The following MYO3B variants were observed in gnomAD, a reference collection of about 807,000 sequenced individuals.
MYO3B encodes myosin-IIIb.
A neutral mutation model predicts 174.6 loss-of-function variants in MYO3B; 156 were observed. That is an observed-to-expected ratio of 0.89 (90% CI 0.78 to 1.02). The LOEUF (loss-of-function observed/expected upper bound fraction) is 1.02, where lower values mean the gene tolerates loss of function less well. Ranked by LOEUF, MYO3B falls within the 50% of genes least tolerant of loss-of-function variation. MYO3B has a pLI of 0.00. For missense variants in MYO3B, 1,632 were observed against 1,639.4 expected (o/e 1.00, Z 0.08); for synonymous variants, 563 against 569.1 (o/e 0.99, Z 0.15).
intron 30 of MYO3B, among the ~76,000 whole-genome samples, chr2:170,542,346 T>A (rs1412631118): frequency 6.6e-6 from 1 of 152,230 alleles, no homozygotes; most frequent in East Asian, 1.9e-4. Context: ...TTTTATTAGA[T>A]GTTAATAGGT....
intron 22 of MYO3B, among the ~76,000 whole-genome samples, chr2:170,417,016 A>G (rs1447810367): frequency 1.3e-5 from 2 of 151,674 alleles, no homozygotes; most frequent in Non-Finnish European, 2.9e-5. Context: ...TTTAGTAGAG[A>G]CGGGGTTTCA....
At chr2:170,448,981 T>C (rs1162804817) in intron 23 of MYO3B, among the ~76,000 whole-genome samples, 1 of 152,214 alleles carries the variant, frequency 6.6e-6, no homozygotes, top group Admixed American at 6.5e-5. Flanking sequence ...TGCTGAAACT[T>C]TGTTCTACAA....
chr2:170,396,963 T>C (rs1337553363), intron 16 of MYO3B, among the ~76,000 whole-genome samples: 1 of 152,190 alleles, frequency 6.6e-6, no homozygotes, highest in Non-Finnish European at 1.5e-5. Flanking sequence ...GAGTCTCTGT[T>C]TTACCCCCTG....
At chr2:170,239,688 G>A (rs945430092) in intron 7 of MYO3B, among the ~76,000 whole-genome samples, 3 of 152,198 alleles carry the variant, frequency 2.0e-5, no homozygotes, top group Admixed American at 2.0e-4. Context: ...TTTCCCTGCA[G>A]TACACAATTC....
intron 7 of MYO3B, among the ~76,000 whole-genome samples, chr2:170,286,529 C>T (rs1192560301): frequency 6.6e-6 from 1 of 152,040 alleles, no homozygotes; most frequent in Non-Finnish European, 1.5e-5. Flanking sequence ...CCCCTTCCTT[C>T]TCAAAAATTA....
intron 8 of MYO3B, among the ~76,000 whole-genome samples, chr2:170,351,878 C>G (rs1005406020): frequency 2.0e-5 from 3 of 152,190 alleles, no homozygotes; most frequent in Non-Finnish European, 4.4e-5. Flanking sequence ...AAAACTAACT[C>G]TAATCATACA....
chr2:170,453,175 G>A (rs1445884506), intron 23 of MYO3B, among the ~76,000 whole-genome samples: 1 of 152,042 alleles, frequency 6.6e-6, no homozygotes, highest in Non-Finnish European at 1.5e-5. Context: ...TTGGTTTCAG[G>A]GGCCTGCAGC....
intron 8 of MYO3B, among the ~76,000 whole-genome samples, chr2:170,353,042 A>G (rs905386891): frequency 1.3e-5 from 2 of 152,248 alleles, no homozygotes; most frequent in Non-Finnish European, 2.9e-5. Context: ...GGGTCTAGCA[A>G]TCGCCCTTTT....
At chr2:170,368,955 G>A (rs1320198599) in intron 8 of MYO3B, among the ~76,000 whole-genome samples, 4 of 152,150 alleles carry the variant, frequency 2.6e-5, no homozygotes, top group East Asian at 1.9e-4. Context: ...AGTGTTTTGA[G>A]TACTTCAAGT....
intron 30 of MYO3B, among the ~76,000 whole-genome samples, chr2:170,527,764 A>G (rs951330177): frequency 1.1e-4 from 16 of 152,254 alleles, no homozygotes; most frequent in Non-Finnish European, 1.9e-4. Context: ...CATTGTGAGA[A>G]TAAACCATAG....
At chr2:170,351,171 T>G (rs1310815881) in intron 8 of MYO3B, 1 of 152,142 alleles carries the variant, frequency 6.6e-6, no homozygotes, top group African/African-American at 2.4e-5. Context: ...AAGTCACAGG[T>G]CCGCAGGTAT....
chr2:170,219,749 T>C lies in MYO3B; in HGVS notation c.603+2354T>C, dbSNP rs191296938. 3.2e-3 allele frequency among the ~76,000 whole-genome samples: 494 copies of C among 152,296 alleles called. 3 individuals carry two copies. Among genetic ancestry groups the C allele is most frequent in the East Asian group, 1.2e-3 (6 of 5,190 alleles). ...CAGTTTGAGGACGGCTTCACAACTA[T>C]TGATATTAGCAAATTTGTCTGTAGA... On this transcript the variant is annotated intron_variant, in intron 6 of 34. Coordinates refer to ENST00000408978, the MANE Select transcript of MYO3B (RefSeq NM_138995.5).
In MYO3B at chr2:170,363,641, T is replaced by G. The variant is rs72874530; in HGVS notation, c.816-5581T>G. Reference sequence around the variant, plus strand: ...GTTTAATGTGGTGACACTAATAGATTCTGAGAATTAATCTTCAGCCAAGAA... The same window carrying G: ...GTTTAATGTGGTGACACTAATAGATGCTGAGAATTAATCTTCAGCCAAGAA... On this transcript the variant is annotated intron_variant, in intron 8 of 34. Transcript: ENST00000408978. 8.3e-3 allele frequency among the ~76,000 whole-genome samples: 1,261 copies of G among 152,308 alleles called. 12 individuals carry two copies. Among genetic ancestry groups the G allele is most frequent in the Non-Finnish European group, 0.013 (865 of 68,016 alleles).
rs556788105 is a variant in MYO3B at position 170,405,506 on chromosome 2, A to G, written c.2432-39A>G. 4 of 1,598,786 alleles carry G rather than the reference A, an allele frequency of 2.5e-6. No individual in the cohort carries two copies. The South Asian group carries it at 4.4e-5, about 18-fold the overall frequency. On this transcript the variant is annotated intron_variant, in intron 20 of 34. Coordinates refer to ENST00000408978, the MANE Select transcript of MYO3B (RefSeq NM_138995.5). ...CAAGTTTTTGTTTGAAAGAGGAAAT[A>G]ATTCACATTGTAACTCTCCAACATA...
At chr2:170,532,707 T>G (rs1253154235) in intron 30 of MYO3B, among the ~76,000 whole-genome samples, 2 of 151,184 alleles carry the variant, frequency 1.3e-5, no homozygotes, top group African/African-American at 4.9e-5. Context: ...TCCCAGCTAC[T>G]CGGGAGGCTG....
chr2:170,624,421 C>T (rs1050401019), intron 32 of MYO3B, among the ~76,000 whole-genome samples: 1 of 152,108 alleles, frequency 6.6e-6, no homozygotes, highest in Non-Finnish European at 1.5e-5. Flanking sequence ...ATTTTGTATC[C>T]TGAGACTTTG....
At chr2:170,186,601 TG>T (rs1277557159) in intron 1 of MYO3B, among the ~76,000 whole-genome samples, 1 of 152,226 alleles carries the variant, frequency 6.6e-6, no homozygotes, top group African/African-American at 2.4e-5. Context: ...GATGTGCCTT[TG>T]TCAGGTTTTG....
chr2:170,652,397 A>G (rs1220786812), intron 34 of MYO3B, among the ~76,000 whole-genome samples: 1 of 152,174 alleles, frequency 6.6e-6, no homozygotes, highest in African/African-American at 2.4e-5. Flanking sequence ...TATTCCAGGG[A>G]ATTGTACTTT....
chr2:170,311,615 G>A (rs537923991), intron 7 of MYO3B, among the ~76,000 whole-genome samples: 3 of 151,524 alleles, frequency 2.0e-5, no homozygotes, highest in African/African-American at 7.3e-5. Context: ...AAATTGTGAT[G>A]ACATCCAGTT....
Sources: gnomAD v4.1 joint callset for allele counts (sites outside exome capture counted in the v4.1 genomes callset) on GRCh38, gnomAD v4.1.1 for gene constraint, MANE v1.5 for transcripts, NCBI Gene and HGNC (gene_info 2026-07-23, HGNC 2026-07-21) for gene names.